The following RFX4 variants were observed in gnomAD, a reference collection of about 807,000 sequenced individuals.
The protein encoded by RFX4 is regulatory factor X4, also known as transcription factor RFX4.
RFX4 carries 10 observed loss-of-function variants against 95.0 expected under a neutral mutation model. The observed-to-expected ratio is 0.11, with a 90% CI of 0.06 to 0.18. The LOEUF (loss-of-function observed/expected upper bound fraction) is 0.18. Ranked by LOEUF, RFX4 falls within the 10% of genes least tolerant of loss-of-function variation. RFX4 has a pLI of 1.00. For synonymous variants in RFX4, 321 were observed against 340.7 expected, an observed-to-expected ratio of 0.94 and a Z score of 0.64; for missense variants, 640 against 922.0, an observed-to-expected ratio of 0.69 and a Z score of 3.96.
At chr12:106,627,865 G>A (rs1174941718) in intron 2 of RFX4, among the ~76,000 whole-genome samples, 1 of 152,162 alleles carries the variant, frequency 6.6e-6, no homozygotes, top group African/African-American at 2.4e-5. Flanking sequence ...CTGAGATGTA[G>A]GCCAAATGCC....
At chr12:106,688,977 A>T (rs1846134137) in intron 6 of RFX4, among the ~76,000 whole-genome samples, 1 of 152,186 alleles carries the variant, frequency 6.6e-6, no homozygotes, top group African/African-American at 2.4e-5. Context: ...CATGAATAAG[A>T]TACCATTTTT....
rs535870243 is a variant in RFX4 at position 106,714,286 on chromosome 12, A to G, written c.994-1114A>G. ...CTTGCCTGCCCCAAGTCAGCTGCTC[A>G]GCAACGAGGCCAGGATTTGAACTAG... is the stretch of plus-strand genomic sequence containing the variant. On this transcript the variant is annotated intron_variant, in intron 10 of 17. Transcript: ENST00000392842. Among the ~76,000 whole-genome samples the G allele has an allele frequency of 2.0e-5, 3 of 152,222 alleles. No homozygotes were observed. In the East Asian group the frequency reaches 5.8e-4, roughly 29 times the overall value.
intron 4 of RFX4, among the ~76,000 whole-genome samples, chr12:106,666,860 T>A (rs11113077): frequency 0.15 from 23,445 of 152,182 alleles, 2,073 homozygotes; most frequent in East Asian, 0.27. Flanking sequence ...ACAGTTGTTT[T>A]AAATTCCTGG....
chr12:106,701,447 T>A (rs542482217), intron 8 of RFX4, among the ~76,000 whole-genome samples: 2 of 143,134 alleles, frequency 1.4e-5, no homozygotes, highest in Non-Finnish European at 3.0e-5. Context: ...TACCCATTCA[T>A]TATCTTCTTC....
intron 8 of RFX4, 60 bp downstream of exon 8, chr12:106,696,506 T>G: frequency 6.3e-7 from 1 of 1,589,188 alleles, no homozygotes; most frequent in Non-Finnish European, 8.6e-7. Context: ...TTGTTCTGCT[T>G]CTCTTGTACT....
At chr12:106,619,020 A>T (rs1040229231) in intron 2 of RFX4, among the ~76,000 whole-genome samples, 2 of 152,172 alleles carry the variant, frequency 1.3e-5, no homozygotes, top group African/African-American at 4.8e-5. Flanking sequence ...GTGAAAGAGC[A>T]CCATCACATT....
chr12:106,701,822 G>A (rs1400562561), intron 8 of RFX4, among the ~76,000 whole-genome samples: 1 of 152,076 alleles, frequency 6.6e-6, no homozygotes, highest in African/African-American at 2.4e-5. Context: ...GATCACTTGA[G>A]GACAGCCCAG....
At chr12:106,653,906 T>C (rs1434004699) in intron 3 of RFX4, among the ~76,000 whole-genome samples, 1 of 152,164 alleles carries the variant, frequency 6.6e-6, no homozygotes, top group Non-Finnish European at 1.5e-5. Flanking sequence ...AGACCCTATG[T>C]AGTTTTTGGA....
chr12:106,671,495 T>G (rs1301386476), intron 4 of RFX4, among the ~76,000 whole-genome samples: 1 of 151,954 alleles, frequency 6.6e-6, no homozygotes, highest in Non-Finnish European at 1.5e-5. Flanking sequence ...TGGGCATGTG[T>G]CAGCCACAGT....
intron 2 of RFX4, among the ~76,000 whole-genome samples, chr12:106,615,545 T>C (rs964719171): frequency 4.6e-5 from 7 of 152,222 alleles, no homozygotes; most frequent in Admixed American, 2.0e-4. Flanking sequence ...TGATGGGGAT[T>C]GCATTGAATC....
chr12:106,589,148 C>A (rs938835806), intron 1 of RFX4, among the ~76,000 whole-genome samples: 1 of 152,020 alleles, frequency 6.6e-6, no homozygotes, highest in Non-Finnish European at 1.5e-5. Context: ...TAGATATTTG[C>A]AATTTTATTA....
chr12:106,703,808 G>A (rs2042033539), intron 8 of RFX4, among the ~76,000 whole-genome samples: 1 of 152,136 alleles, frequency 6.6e-6, no homozygotes, highest in Non-Finnish European at 1.5e-5. Context: ...GCTCATGCCT[G>A]TAATCCCAGC....
chr12:106,702,511 T>C (rs1313952445), intron 8 of RFX4, among the ~76,000 whole-genome samples: 1 of 152,226 alleles, frequency 6.6e-6, no homozygotes, highest in Non-Finnish European at 1.5e-5. Context: ...GCCATCCCTA[T>C]GCACACAGTT....
chr12:106,608,780 C>CTTTTTTT lies in RFX4; in HGVS notation c.44-9_44-3dup. On this transcript the variant is annotated splice_polypyrimidine_tract_variant and intron_variant, in intron 1 of 17. Transcript: ENST00000392842. ...TTCTTTTTCTTTTCTTTCTTTCTTT[C>CTTTTTTT]TTTTTTTTTTTTTTAGAGAGCTGGA... The CTTTTTTT allele has an allele frequency of 7.0e-7, 1 of 1,421,332 alleles. No homozygotes were observed. The highest frequency in any genetic ancestry group is 2.4e-5 in the East Asian group (1 of 40,908). The allele number at this position is 1,421,332 out of a possible 1,614,324, so 88.0% of individuals were successfully genotyped here. A position where few individuals can be genotyped will look rare whatever the true frequency, so the allele number is the denominator to read the frequency against.
chr12:106,646,415 A>G (rs1479508600), intron 3 of RFX4, among the ~76,000 whole-genome samples: 1 of 130,358 alleles, frequency 7.7e-6, no homozygotes, highest in African/African-American at 2.9e-5. Context: ...TGCTTAATAC[A>G]TTGCCTAGTT....
intron 8 of RFX4, among the ~76,000 whole-genome samples, chr12:106,704,852 T>TG (rs2042053854): frequency 6.6e-6 from 1 of 152,004 alleles, no homozygotes; most frequent in Non-Finnish European, 1.5e-5. Context: ...CGCGTGTGTG[T>TG]GTCGTATGGG....
chr12:106,676,500 C>T (rs1297540911), intron 4 of RFX4, among the ~76,000 whole-genome samples: 1 of 152,206 alleles, frequency 6.6e-6, no homozygotes, highest in African/African-American at 2.4e-5. Context: ...ATCATTCCTT[C>T]AGTAAACCTA....
chr12:106,715,922 A>C (rs1363566529), intron 11 of RFX4, among the ~76,000 whole-genome samples: 1 of 152,076 alleles, frequency 6.6e-6, no homozygotes, highest in Admixed American at 6.5e-5. Flanking sequence ...CCTATTTTTC[A>C]TTTGAGGGTC....
At chr12:106,701,504 T>G (rs141350247) in intron 8 of RFX4, among the ~76,000 whole-genome samples, 1 of 152,206 alleles carries the variant, frequency 6.6e-6, no homozygotes, top group Non-Finnish European at 1.5e-5. Flanking sequence ...ATTACAAGTA[T>G]GTTAGGCCAT....
Sources: allele counts gnomAD v4.1 joint callset (sites outside exome capture counted in the v4.1 genomes callset), GRCh38; gene constraint gnomAD v4.1.1; transcripts MANE v1.5; gene names NCBI Gene and HGNC (gene_info 2026-07-23, HGNC 2026-07-21).